Variants in ZFP36L1 observed in about 807,000 individuals in gnomAD.
ZFP36L1 encodes mRNA decay activator protein ZFP36L1.
In ZFP36L1, 4 loss-of-function variants were observed where a neutral mutation model predicts 16.7. That is an observed-to-expected ratio of 0.24 (90% CI 0.12 to 0.55). The LOEUF (loss-of-function observed/expected upper bound fraction) is 0.55, where lower values mean the gene tolerates loss of function less well. Among genes scored for constraint, ZFP36L1 ranks in the 20% least tolerant of loss-of-function variants. The probability of loss-of-function intolerance (pLI) is 0.94; values close to 1 mark genes in which losing one functional copy is unlikely to be tolerated. For synonymous variants in ZFP36L1, 220 were observed against 190.8 expected, an observed-to-expected ratio of 1.15 and a Z score of -1.26; for missense variants, 311 against 449.2, an observed-to-expected ratio of 0.69 and a Z score of 2.78.
chr14:68,794,586 A>G (rs1895198556), upstream of ZFP36L1: 1 of 152,222 alleles, frequency 6.6e-6, no homozygotes, highest in African/African-American at 2.4e-5. Context: ...CCAGCACTCG[A>G]GGCCGCCGAG....
At chr14:68,795,771 T>C (rs1472515524), upstream of ZFP36L1, 2 of 534,518 alleles carry the variant, frequency 3.7e-6, no homozygotes, top group Non-Finnish European at 7.7e-6. Context: ...TTAAACTCTT[T>C]TTTAAATTGT....
Position 68,792,942 on chromosome 14 carries a change from G to T in ZFP36L1, c.-4C>A. ...CAGACACGAGGGTGGTGGTCATCCT[G>T]TGCGTTCGCGCGAGCCAGGGGCGAG... On this transcript the variant is annotated 5_prime_UTR_variant, in exon 1 of 2. Transcript: ENST00000439696. 2.5e-6 allele frequency: 4 copies of T among 1,613,918 alleles called. No homozygotes were observed. The highest frequency in any genetic ancestry group is 3.4e-6 in the Non-Finnish European group (4 of 1,179,968).
rs1371270527 is a variant in ZFP36L1 at position 68,788,023 on chromosome 14, T to C, written c.*1510A>G. 3 of 152,558 alleles carry C rather than the reference T, an allele frequency of 2.0e-5. No individual in the cohort carries two copies. The highest frequency in any genetic ancestry group is 4.4e-5 in the Non-Finnish European group (3 of 68,024). 9.5% of individuals were successfully genotyped at this position (152,558 alleles called of 1,614,324 possible). ...CTTTTACATACATTCTCAGTCCTAG[T>C]TGTGAAAGGCCTAAAGAGAAAGAAA... is the stretch of plus-strand genomic sequence containing the variant. On this transcript the variant is annotated 3_prime_UTR_variant, in exon 2 of 2. Transcript: ENST00000439696.
chr14:68,792,278 G>C (rs1895100076), intron 1 of ZFP36L1, among the ~76,000 whole-genome samples: 2 of 147,002 alleles, frequency 1.4e-5, no homozygotes, highest in Middle Eastern at 3.4e-3. Context: ...CCCAAAGTTT[G>C]CTGCACGATC....
At chr14:68,796,151 C>T, upstream of ZFP36L1, 1 of 1,366,470 alleles carries the variant, frequency 7.3e-7, no homozygotes, top group Non-Finnish European at 9.8e-7. Flanking sequence ...CCTCCCCATT[C>T]GCCTGGAGCG....
chr14:68,795,607 C>T (rs1244078922), upstream of ZFP36L1, among the ~76,000 whole-genome samples: 1 of 152,200 alleles, frequency 6.6e-6, no homozygotes, highest in Non-Finnish European at 1.5e-5. Flanking sequence ...CGAATTTCCT[C>T]GGCTTTTCCA....
At chr14:68,794,633 T>C (rs1175153555), upstream of ZFP36L1, 1 of 152,354 alleles carries the variant, frequency 6.6e-6, no homozygotes, top group Non-Finnish European at 1.5e-5. Context: ...GTGGCTAAGA[T>C]TGAGTTCCAT....
rs1267010894 is a variant in ZFP36L1 at position 68,793,051 on chromosome 14, C to G, written c.-113G>C. 1 of 1,594,462 alleles carries G rather than the reference C, an allele frequency of 6.3e-7. No homozygotes were observed. Among genetic ancestry groups the G allele is most frequent in the Non-Finnish European group, 8.5e-7 (1 of 1,174,226 alleles). ...TCCCACACGCCAGTTCCCGGCGCCC[C>G]TCGCCTTTCTGACTCCGGGCTGGGG... is the stretch of plus-strand genomic sequence containing the variant. On this transcript the variant is annotated 5_prime_UTR_variant, in exon 1 of 2. Coordinates refer to ENST00000439696, the MANE Select transcript of ZFP36L1 (RefSeq NM_004926.4).
intron 1 of ZFP36L1, among the ~76,000 whole-genome samples, chr14:68,792,273 A>T (rs763071618): frequency 1.4e-4 from 21 of 151,864 alleles, no homozygotes; most frequent in Non-Finnish European, 2.5e-4. Context: ...TTCACCCCAA[A>T]GTTTGCTGCA....
chr14:68,791,099 G>A (rs918580187), intron 1 of ZFP36L1: 2 of 698,618 alleles, frequency 2.9e-6, no homozygotes, highest in African/African-American at 3.5e-5. Context: ...GTCTGAGGTT[G>A]GGGGAGACAG....
Position 68,789,447 on chromosome 14 carries a change from G to A in ZFP36L1, c.*86C>T. 6.3e-7 allele frequency: 1 copy of A among 1,581,962 alleles called. No homozygotes were observed. The highest frequency in any genetic ancestry group is 8.6e-7 in the Non-Finnish European group (1 of 1,161,210). On this transcript the variant is annotated 3_prime_UTR_variant, in exon 2 of 2. Coordinates refer to ENST00000439696, the MANE Select transcript of ZFP36L1 (RefSeq NM_004926.4). The surrounding 1 kb of genome is among the most constrained non-coding windows in gnomAD (Gnocchi z 4.5). ...ACCTTGTTAATGTAGGGCCTGTGGG[G>A]AATGGGATGGGTAGGGAGAAGAGGG...
At chr14:68,792,666 G>C (rs570380234) in intron 1 of ZFP36L1, among the ~76,000 whole-genome samples, 1 of 152,182 alleles carries the variant, frequency 6.6e-6, no homozygotes, top group South Asian at 2.1e-4. Flanking sequence ...CTGGCCTCCA[G>C]ATTCACATGT....
rs1187717346 is a variant in ZFP36L1, at chr14:68,788,927, A to AGGGGTGGGG, written c.*597_*605dup. The AGGGGTGGGG allele has an allele frequency of 8.1e-6, 1 of 123,378 alleles. No homozygotes were observed. The highest frequency in any genetic ancestry group is 3.2e-5 in the African/African-American group (1 of 31,656). The allele number at this position is 123,378 out of a possible 1,614,324, so 7.6% of individuals were successfully genotyped here. On this transcript the variant is annotated 3_prime_UTR_variant, in exon 2 of 2. Transcript: ENST00000439696. Reference sequence around the variant, plus strand: ...TCTGGCAACAACTCTTCCAAGGGGCAGGGGTGGGGGGGGTGGGGGGGCGGG... The same window carrying AGGGGTGGGG: ...TCTGGCAACAACTCTTCCAAGGGGCAGGGGTGGGGGGGGTGGGGGGGGTGGGGGGGCGGG...
Position 68,790,319 on chromosome 14 carries a change from G to C in ZFP36L1, c.231C>G (p.Pro77=). 6.2e-7 allele frequency: 1 copy of C among 1,610,252 alleles called. No homozygotes were observed. The highest frequency in any genetic ancestry group is 8.5e-7 in the Non-Finnish European group (1 of 1,178,968). Residue 77 remains proline (P), a synonymous_variant, in exon 2 of 2, where the codon CCC becomes CCG. Transcript: ENST00000439696. ...AGCGGCTGTCTCGCGAGCTCAGAGC[G>C]GGGGCTGGCTCACCCTTGAGGCTGC... is the stretch of plus-strand genomic sequence containing the variant. ...LLSSLKGEPA[P]ALSSRDSRFR...
chr14:68,790,253 C>A lies in ZFP36L1; in HGVS notation c.297G>T (p.Leu99=). The change falls in exon 2 of 2, where the codon CTG becomes CTT. Residue 99 remains leucine (L), a synonymous_variant. Coordinates refer to ENST00000439696, the MANE Select transcript of ZFP36L1 (RefSeq NM_004926.4). ...CGCCCCCGGGCTGCTTCTGGGTGGG[C>A]AGCAGCCGCTCGCCCCCTTCCGAGA... ...RSFSEGGERL[L]PTQKQPGGGQ... is the part of the protein sequence containing the mutation. 10 of 1,611,142 alleles carry A rather than the reference C, an allele frequency of 6.2e-6. No individual in the cohort carries two copies. Among genetic ancestry groups the A allele is most frequent in the Non-Finnish European group, 8.5e-6 (10 of 1,179,798 alleles).
upstream of ZFP36L1, chr14:68,793,386 C>T: frequency 9.0e-6 from 9 of 1,004,412 alleles, no homozygotes; most frequent in Non-Finnish European, 1.1e-5. Flanking sequence ...GCTTCAGGCG[C>T]CCCCTCTCCG....
chr14:68,791,754 T>G (rs1351011323), intron 1 of ZFP36L1, among the ~76,000 whole-genome samples: 7 of 152,056 alleles, frequency 4.6e-5, no homozygotes. Flanking sequence ...GGCTGGCAAG[T>G]GGAGTTTGGG....
At chr14:68,795,887 C>T (rs1265067043), upstream of ZFP36L1, 5 of 729,968 alleles carry the variant, frequency 6.8e-6, no homozygotes, top group South Asian at 6.6e-5. Flanking sequence ...GCGGTGAGGG[C>T]CCGAGGGCGG....
In ZFP36L1 at chr14:68,788,651, G is replaced by A. The variant is rs1373112673; in HGVS notation, c.*882C>T. 1.4e-5 allele frequency: 2 copies of A among 146,924 alleles called. No individual in the cohort carries two copies. Among genetic ancestry groups the A allele is most frequent in the South Asian group, 2.1e-4 (1 of 4,656 alleles). The allele number at this position is 146,924 out of a possible 1,614,324, so 9.1% of individuals were successfully genotyped here. ...TTGTTGTTATTTTTTTTAAAAAGAT[G>A]TCACATATGAACTGGGGAACTTTAG... On this transcript the variant is annotated 3_prime_UTR_variant, in exon 2 of 2. Coordinates refer to ENST00000439696, the MANE Select transcript of ZFP36L1 (RefSeq NM_004926.4).
Sources: allele counts gnomAD v4.1 joint callset (sites outside exome capture counted in the v4.1 genomes callset), GRCh38; gene constraint gnomAD v4.1.1; non-coding constraint Gnocchi (gnomAD v3.1); transcripts MANE v1.5; gene names NCBI Gene and HGNC (gene_info 2026-07-23, HGNC 2026-07-21).